MAST2: variants seen among roughly 807,000 people sequenced by gnomAD.
The protein encoded by MAST2 is microtubule associated serine/threonine kinase 2.
Under a neutral mutation model 147.4 loss-of-function variants are expected in MAST2, and 70 were observed. That is an observed-to-expected ratio of 0.47 (90% CI 0.39 to 0.58). The LOEUF is 0.58. Ranked by LOEUF, MAST2 falls within the 20% of genes least tolerant of loss-of-function variation. The pLI is 0.00. For synonymous variants in MAST2, 869 were observed against 896.8 expected (o/e 0.97, Z 0.55); for missense variants, 2,080 against 2,302.3 (o/e 0.90, Z 1.98).
chr1:45,830,347 G>A (rs192297794), intron 3 of MAST2, among the ~76,000 whole-genome samples: 3 of 151,772 alleles, frequency 2.0e-5, no homozygotes, highest in Admixed American at 2.0e-4. Context: ...GCTAGTTTTT[G>A]TGTTTTTAGT....
At chr1:45,868,963 T>C (rs1172099971) in intron 3 of MAST2, among the ~76,000 whole-genome samples, 3 of 152,354 alleles carry the variant, frequency 2.0e-5, no homozygotes, top group Middle Eastern at 3.4e-3. Context: ...TAAGATATTT[T>C]CATCAAGTCA....
At chr1:45,939,885 G>T (rs985748768) in intron 4 of MAST2, among the ~76,000 whole-genome samples, 2 of 150,168 alleles carry the variant, frequency 1.3e-5, no homozygotes, top group Non-Finnish European at 3.0e-5. Context: ...TTTTGATAAT[G>T]ATTACTTTGA....
rs1557509582 is a variant in MAST2 at position 46,030,174 on chromosome 1, AAGTG to A, written c.2496_2499del (p.Ser832ArgfsTer43). 6.2e-7 allele frequency: 1 copy of A among 1,614,238 alleles called. No individual in the cohort carries two copies. The highest frequency in any genetic ancestry group is 1.1e-5 in the South Asian group (1 of 91,084). ...CACATGGACTCGGAGGATGAGGAAG[AAGTG>A]AGTGAGGATGGCTGCCTTGAGATCC... On this transcript the variant is annotated frameshift_variant, in exon 21 of 29. Transcript: ENST00000361297. LOFTEE classifies it high-confidence loss of function.
chr1:45,994,185 ATGAC>A (rs539154486), intron 5 of MAST2, among the ~76,000 whole-genome samples: 90 of 150,538 alleles, frequency 6.0e-4, no homozygotes, highest in Admixed American at 3.6e-3. Context: ...CATTGGCCAT[ATGAC>A]TGAACTTAAT....
chr1:45,845,251 C>G (rs1283415083), intron 3 of MAST2, among the ~76,000 whole-genome samples: 3 of 152,072 alleles, frequency 2.0e-5, no homozygotes, highest in Admixed American at 6.5e-5. Context: ...ATTATTAAAC[C>G]ACTAGTAAAA....
chr1:45,806,435 T>C (rs1644144191), intron 1 of MAST2, among the ~76,000 whole-genome samples: 1 of 152,228 alleles, frequency 6.6e-6, no homozygotes, highest in Non-Finnish European at 1.5e-5. Context: ...GATCTCACTC[T>C]GTCACCCACG....
At chr1:45,877,828 A>G (rs1282379507) in intron 3 of MAST2, among the ~76,000 whole-genome samples, 1 of 152,228 alleles carries the variant, frequency 6.6e-6, no homozygotes, top group Non-Finnish European at 1.5e-5. Flanking sequence ...TAAGAAAATT[A>G]GAGATTATTA....
At chr1:45,968,389 T>A (rs1643714213) in intron 5 of MAST2, among the ~76,000 whole-genome samples, 1 of 151,994 alleles carries the variant, frequency 6.6e-6, no homozygotes, top group Non-Finnish European at 1.5e-5. Flanking sequence ...AATCCCCCAT[T>A]TTTTGTTAGG....
At chr1:45,920,940 T>C (rs905346473) in intron 4 of MAST2, among the ~76,000 whole-genome samples, 1 of 152,158 alleles carries the variant, frequency 6.6e-6, no homozygotes, top group African/African-American at 2.4e-5. Context: ...TATTAATAAG[T>C]AGTAGAAACT....
chr1:45,980,375 A>G (rs61785614), intron 5 of MAST2, among the ~76,000 whole-genome samples: 51,500 of 151,784 alleles, frequency 0.34, 9,117 homozygotes, highest in African/African-American at 0.43. Context: ...TCACTACATG[A>G]TTGATGAGAT....
intron 1 of MAST2, among the ~76,000 whole-genome samples, chr1:45,820,790 A>G (rs931971213): frequency 7.5e-6 from 1 of 132,614 alleles, no homozygotes; most frequent in Admixed American, 7.7e-5. Context: ...GATGCCTTTT[A>G]GGATTTGATG....
intron 4 of MAST2, among the ~76,000 whole-genome samples, chr1:45,912,170 T>C (rs1017966282): frequency 6.6e-6 from 1 of 152,124 alleles, no homozygotes; most frequent in African/African-American, 2.4e-5. Flanking sequence ...GGCTGAATAA[T>C]TGGACTAATA....
At chr1:46,030,865 A>T (rs1646631871) in intron 22 of MAST2, 104 bp downstream of exon 22, 1 of 1,473,054 alleles carries the variant, frequency 6.8e-7, no homozygotes, top group Non-Finnish European at 9.0e-7. Flanking sequence ...GGTGGCAGGG[A>T]GGGGGCATTC....
chr1:45,931,512 G>A (rs11211227), intron 4 of MAST2, among the ~76,000 whole-genome samples: 1 of 145,484 alleles, frequency 6.9e-6, no homozygotes, highest in Admixed American at 7.1e-5. Context: ...GTTTTTTTGA[G>A]AGTGTCTCGC....
intron 5 of MAST2, among the ~76,000 whole-genome samples, chr1:45,987,775 T>TTG (rs1644692219): frequency 2.3e-5 from 2 of 85,722 alleles, no homozygotes; most frequent in Admixed American, 1.3e-4. Context: ...TTTTTTTTTT[T>TTG]GATTTTTTTT....
At chr1:45,815,493 C>G (rs949641258) in intron 1 of MAST2, among the ~76,000 whole-genome samples, 1 of 151,926 alleles carries the variant, frequency 6.6e-6, no homozygotes, top group Non-Finnish European at 1.5e-5. Context: ...GTTAGGCTTT[C>G]AGGAATGTTT....
intron 1 of MAST2, among the ~76,000 whole-genome samples, chr1:45,822,800 G>C (rs2148697887): frequency 6.6e-6 from 1 of 152,316 alleles, no homozygotes; most frequent in Admixed American, 6.5e-5. Flanking sequence ...TCCAAAGTCT[G>C]CTTCCTTCCC....
At chr1:45,939,067 A>T (rs1458478743) in intron 4 of MAST2, among the ~76,000 whole-genome samples, 1 of 150,824 alleles carries the variant, frequency 6.6e-6, no homozygotes, top group East Asian at 1.9e-4. Flanking sequence ...TTTATTTTTT[A>T]TTGATCATGC....
rs551700522 is a variant in MAST2 at position 45,826,739 on chromosome 1, G to A, written c.325+2159G>A. Among the ~76,000 whole-genome samples, 20 of 152,244 alleles carry A rather than the reference G, an allele frequency of 1.3e-4. No homozygotes were observed. In the South Asian group the frequency reaches 2.9e-3, roughly 22 times the overall value. The stretch of plus-strand genomic sequence containing the variant: ...TGCATTGGTTACAGTCCATCTATCT[G>A]CTTTAGATTTCCCCACAGTTTTTTC... On this transcript the variant is annotated intron_variant, in intron 2 of 28. Coordinates refer to ENST00000361297, the MANE Select transcript of MAST2 (RefSeq NM_015112.3).
Sources: allele counts gnomAD v4.1 joint callset (sites outside exome capture counted in the v4.1 genomes callset), GRCh38; gene constraint gnomAD v4.1.1; transcripts MANE v1.5; gene names NCBI Gene and HGNC (gene_info 2026-07-23, HGNC 2026-07-21).